TTLL11: variants seen among roughly 807,000 people sequenced by gnomAD.
TTLL11 encodes tubulin tyrosine ligase like 11, also known as tubulin polyglutamylase TTLL11.
TTLL11 carries 42 observed loss-of-function variants against 51.7 expected under a neutral mutation model. That is an observed-to-expected ratio of 0.81 (90% CI 0.64 to 1.05). The LOEUF is 1.05. Ranked by LOEUF, TTLL11 falls within the 50% of genes least tolerant of loss-of-function variation. The probability of loss-of-function intolerance (pLI) is 0.00; values close to 1 mark genes in which losing one functional copy is unlikely to be tolerated. For missense variants in TTLL11, 799 were observed against 940.4 expected, an observed-to-expected ratio of 0.85 and a Z score of 1.97; for synonymous variants, 381 against 383.5, an observed-to-expected ratio of 0.99 and a Z score of 0.08.
intron 3 of TTLL11, among the ~76,000 whole-genome samples, chr9:122,012,666 ACACACACACACG>A (rs1461677822): frequency 1.4e-5 from 2 of 147,630 alleles, no homozygotes; most frequent in Admixed American, 6.8e-5. Flanking sequence ...ATACACATAC[ACACACACACACG>A]CACACACACA....
chr9:122,041,597 T>C (rs550334111), intron 1 of TTLL11, among the ~76,000 whole-genome samples: 1 of 152,114 alleles, frequency 6.6e-6, no homozygotes, highest in South Asian at 2.1e-4. Flanking sequence ...AATCAACACA[T>C]AAAAATCAAC....
chr9:121,927,989 C>T (rs1181932349), intron 6 of TTLL11, among the ~76,000 whole-genome samples: 2 of 152,166 alleles, frequency 1.3e-5, no homozygotes, highest in Non-Finnish European at 2.9e-5. Context: ...TGTTAAGATG[C>T]TATTCCCAAC....
At chr9:121,960,326 T>C (rs751424757) in intron 6 of TTLL11, among the ~76,000 whole-genome samples, 3 of 152,194 alleles carry the variant, frequency 2.0e-5, no homozygotes, top group Non-Finnish European at 4.4e-5. Flanking sequence ...ATAACCATAA[T>C]GAGTGCATTA....
intron 6 of TTLL11, among the ~76,000 whole-genome samples, chr9:121,963,412 A>G (rs1464762737): frequency 6.6e-6 from 1 of 152,224 alleles, no homozygotes; most frequent in Non-Finnish European, 1.5e-5. Flanking sequence ...AAAGCACACG[A>G]ACATTTAAGG....
At chr9:121,967,055 A>G (rs1842417605) in intron 6 of TTLL11, among the ~76,000 whole-genome samples, 1 of 151,930 alleles carries the variant, frequency 6.6e-6, no homozygotes. Flanking sequence ...CTGGATTTCC[A>G]TTTTACAGAC....
In TTLL11 at chr9:121,839,128, T is replaced by A. The variant is rs973953325; in HGVS notation, c.1841-16249A>T. Among the ~76,000 whole-genome samples, 3 of 152,362 alleles carry A rather than the reference T, an allele frequency of 2.0e-5. No individual in the cohort carries two copies. The East Asian group carries it at 5.8e-4, about 29-fold the overall frequency. On this transcript the variant is annotated intron_variant, in intron 8 of 8. Transcript: ENST00000321582. ...TCTTTGATCCACCTCTTAATATAAA[T>A]GAGGTCCTCTCTGTCCTCCTCATTA...
chr9:121,870,894 A>G, intron 6 of TTLL11, 146 bp from the exon 7 acceptor site: 4 of 919,844 alleles, frequency 4.3e-6, no homozygotes, highest in Non-Finnish European at 6.3e-6. Context: ...TGACCTGCCC[A>G]AGCTCACACA....
chr9:121,816,717 G>A lies in TTLL11; in HGVS notation c.*5870C>T, dbSNP rs1026665603. ...TGTGCGTGCGTGTGTGTGCATGCATGCGCGCGTGTGTGTATAAGCATTATG... is the reference window on the plus strand; with the variant it reads ...TGTGCGTGCGTGTGTGTGCATGCATACGCGCGTGTGTGTATAAGCATTATG... On this transcript the variant is annotated 3_prime_UTR_variant, in exon 9 of 9. Transcript: ENST00000321582. The A allele has an allele frequency of 6.6e-6, 1 of 152,126 alleles. No individual in the cohort carries two copies. The highest frequency in any genetic ancestry group is 1.5e-5 in the Non-Finnish European group (1 of 68,034). 9.4% of individuals were successfully genotyped at this position (152,126 alleles called of 1,614,324 possible). A position where few individuals can be genotyped will look rare whatever the true frequency, so the allele number is the denominator to read the frequency against.
chr9:121,968,106 C>T (rs1378576546), intron 6 of TTLL11, among the ~76,000 whole-genome samples: 2 of 152,128 alleles, frequency 1.3e-5, no homozygotes, highest in African/African-American at 2.4e-5. Context: ...CGGAATTGTG[C>T]GCTTTTAAAT....
At chr9:122,074,098 C>T (rs1845799636) in intron 1 of TTLL11, among the ~76,000 whole-genome samples, 1 of 151,960 alleles carries the variant, frequency 6.6e-6, no homozygotes, top group Non-Finnish European at 1.5e-5. Context: ...CATGGTGAGA[C>T]CCCATCTTTA....
intron 6 of TTLL11, among the ~76,000 whole-genome samples, chr9:121,936,610 T>C (rs12002444): frequency 0.26 from 39,811 of 151,868 alleles, 5,749 homozygotes; most frequent in African/African-American, 0.4. Flanking sequence ...AACCTGTCCT[T>C]ATACAGGTAT....
At position 121,853,196 on chromosome 9, in the gene TTLL11, G is replaced by A. The variant is rs1284836697; in HGVS notation, c.1840+7141C>T. 6.6e-6 allele frequency among the ~76,000 whole-genome samples: 1 copy of A among 152,184 alleles called. No individual in the cohort carries two copies. Among genetic ancestry groups the A allele is most frequent in the African/African-American group, 2.4e-5 (1 of 41,438 alleles). On this transcript the variant is annotated intron_variant, in intron 8 of 8. Transcript: ENST00000321582. The surrounding 1 kb of genome is among the most constrained non-coding windows in gnomAD (Gnocchi z 5.6). Reference sequence around the variant, plus strand: ...TGCCGCGGCTGAGCCCTGGTCCATGGGACATGTGTAGCAGGGCACCTGCTA... The same window carrying A: ...TGCCGCGGCTGAGCCCTGGTCCATGAGACATGTGTAGCAGGGCACCTGCTA...
chr9:121,822,522 G>T lies in TTLL11; in HGVS notation c.*65C>A. 1 of 1,386,596 alleles carries T rather than the reference G, an allele frequency of 7.2e-7. No individual in the cohort carries two copies. Among genetic ancestry groups the T allele is most frequent in the Non-Finnish European group, 9.5e-7 (1 of 1,057,588 alleles). The allele number at this position is 1,386,596 out of a possible 1,614,324, so 85.9% of individuals were successfully genotyped here. ...CCTGCCATTCCTCTGCAGGCAGAAT[G>T]CCTGGGGCGCTCCAGCCCTGAAAGC... On this transcript the variant is annotated 3_prime_UTR_variant, in exon 9 of 9. Transcript: ENST00000321582. This position sits in a 1 kb window ranked among gnomAD's most constrained non-coding sequence, Gnocchi z 5.8.
chr9:122,020,262 A>G (rs1227118186), intron 3 of TTLL11, among the ~76,000 whole-genome samples: 1 of 152,176 alleles, frequency 6.6e-6, no homozygotes, highest in Non-Finnish European at 1.5e-5. Context: ...AGGTAAACTC[A>G]TTATACAAAA....
At position 121,872,987 on chromosome 9, in the gene TTLL11, G is replaced by A. The variant is rs116336391; in HGVS notation, c.1482-2239C>T. Among the ~76,000 whole-genome samples the A allele has an allele frequency of 8.5e-3, 1,297 of 152,262 alleles. 16 individuals are homozygous for A. Among genetic ancestry groups the A allele is most frequent in the African/African-American group, 0.03 (1,234 of 41,536 alleles). On this transcript the variant is annotated intron_variant, in intron 6 of 8. Transcript: ENST00000321582. ...TGAAATGAAATGTTTTCCCATTAAG[G>A]TTATAGGAAGAAAGATGAGAAAAAA...
intron 6 of TTLL11, among the ~76,000 whole-genome samples, chr9:121,929,426 C>T (rs1016250974): frequency 4.0e-5 from 6 of 150,080 alleles, no homozygotes; most frequent in Non-Finnish European, 7.4e-5. Flanking sequence ...GGCAACAGAG[C>T]GAGACCCCGT....
chr9:121,936,512 A>C (rs1486623234), intron 6 of TTLL11, among the ~76,000 whole-genome samples: 1 of 152,092 alleles, frequency 6.6e-6, no homozygotes, highest in East Asian at 1.9e-4. Context: ...AGGACCCAGA[A>C]ATCCTGTTTC....
Position 121,989,163 on chromosome 9 carries a change from G to A in TTLL11, c.1269+32C>T. ...AGCCCTCTTGAGGCCGGTCAAGGCT[G>A]GAAACGCAGGCTGGGAACTGGCAAT... On this transcript the variant is annotated intron_variant, in intron 4 of 8. Coordinates refer to ENST00000321582, the MANE Select transcript of TTLL11 (RefSeq NM_001139442.2). This position sits in a 1 kb window ranked among gnomAD's most constrained non-coding sequence, Gnocchi z 4.2. 6.2e-7 allele frequency: 1 copy of A among 1,608,514 alleles called. No homozygotes were observed.
intron 8 of TTLL11, among the ~76,000 whole-genome samples, chr9:121,826,288 G>A (rs1836765914): frequency 9.4e-6 from 1 of 106,832 alleles, no homozygotes; most frequent in African/African-American, 4.6e-5. Context: ...ATATATGAGT[G>A]TGTGGGTGTA....
Sources: gnomAD v4.1 joint callset for allele counts (sites outside exome capture counted in the v4.1 genomes callset) on GRCh38, gnomAD v4.1.1 for gene constraint, Gnocchi (gnomAD v3.1) non-coding constraint, MANE v1.5 for transcripts, NCBI Gene and HGNC (gene_info 2026-07-23, HGNC 2026-07-21) for gene names.